The following PLXNA4 variants were observed in gnomAD, a reference collection of about 807,000 sequenced individuals.
PLXNA4 encodes plexin-A4.
Under a neutral mutation model 191.8 loss-of-function variants are expected in PLXNA4, and 44 were observed. The observed-to-expected ratio is 0.23, with a 90% CI of 0.18 to 0.29. PLXNA4 has a LOEUF of 0.29. Ranked by LOEUF, PLXNA4 falls within the 10% of genes least tolerant of loss-of-function variation. The pLI, the probability that PLXNA4 is intolerant of heterozygous loss-of-function variation, is 1.00. For missense variants in PLXNA4, 1,800 were observed against 2,488.8 expected (o/e 0.72, Z 5.89); for synonymous variants, 1,082 against 1,009.5 (o/e 1.07, Z -1.36).
At chr7:132,633,036 C>A (rs1423072988) in intron 2 of PLXNA4, among the ~76,000 whole-genome samples, 1 of 152,126 alleles carries the variant, frequency 6.6e-6, no homozygotes, top group East Asian at 1.9e-4. Flanking sequence ...GTGTCTGCTC[C>A]TATCCAAGGC....
intron 4 of PLXNA4, among the ~76,000 whole-genome samples, chr7:132,283,881 A>T (rs942185539): frequency 6.6e-6 from 1 of 152,232 alleles, no homozygotes; most frequent in African/African-American, 2.4e-5. Flanking sequence ...CAAGATATCC[A>T]CTTAACTCAA....
At chr7:132,133,666 G>A (rs1292839167) in intron 30 of PLXNA4, among the ~76,000 whole-genome samples, 1 of 152,208 alleles carries the variant, frequency 6.6e-6, no homozygotes, top group Non-Finnish European at 1.5e-5. Flanking sequence ...GCAGGGCTGA[G>A]GCTACTCAGG....
intron 2 of PLXNA4, among the ~76,000 whole-genome samples, chr7:132,634,208 G>T (rs1344381758): frequency 6.6e-6 from 1 of 152,118 alleles, no homozygotes; most frequent in Non-Finnish European, 1.5e-5. Context: ...GTTAAATGGA[G>T]GTTGCTAGGT....
chr7:132,249,356 T>C (rs1274739440), intron 4 of PLXNA4, among the ~76,000 whole-genome samples: 2 of 152,206 alleles, frequency 1.3e-5, no homozygotes, highest in African/African-American at 4.8e-5. Flanking sequence ...AAATGCCTAA[T>C]AGGAAGCCAG....
At chr7:132,333,955 A>G (rs1802703083) in intron 3 of PLXNA4, among the ~76,000 whole-genome samples, 1 of 152,186 alleles carries the variant, frequency 6.6e-6, no homozygotes, top group Non-Finnish European at 1.5e-5. Flanking sequence ...CTACTTCTCC[A>G]TGTTTATAAG....
intron 3 of PLXNA4, among the ~76,000 whole-genome samples, chr7:132,465,622 G>A: frequency 6.6e-6 from 1 of 152,108 alleles, no homozygotes; most frequent in Non-Finnish European, 1.5e-5. Flanking sequence ...TAAGTACAAG[G>A]AATTTTCTGT....
intron 3 of PLXNA4, among the ~76,000 whole-genome samples, chr7:132,455,204 G>T (rs2117323700): frequency 6.6e-6 from 1 of 152,308 alleles, no homozygotes; most frequent in East Asian, 1.9e-4. Flanking sequence ...CTCCCTCCTG[G>T]CAGGTGCCTG....
intron 4 of PLXNA4, among the ~76,000 whole-genome samples, chr7:132,297,042 C>T (rs1801112087): frequency 6.6e-6 from 1 of 152,070 alleles, no homozygotes; most frequent in South Asian, 2.1e-4. Flanking sequence ...AGGCATAATG[C>T]ACAAGCCCCG....
intron 2 of PLXNA4, among the ~76,000 whole-genome samples, chr7:132,632,410 A>G (rs983999724): frequency 2.6e-5 from 4 of 152,210 alleles, no homozygotes. Context: ...CCTATAAAGT[A>G]GCTACTATAT....
intron 9 of PLXNA4, among the ~76,000 whole-genome samples, chr7:132,216,370 G>A (rs190181008): frequency 3.2e-4 from 48 of 152,296 alleles, no homozygotes; most frequent in African/African-American, 1.0e-3. Context: ...TGCAAAACTA[G>A]CTCAAAATGT....
intron 3 of PLXNA4, among the ~76,000 whole-genome samples, chr7:132,317,545 G>A (rs1416795266): frequency 6.6e-6 from 1 of 152,174 alleles, no homozygotes; most frequent in Non-Finnish European, 1.5e-5. Context: ...GGATGGGGTT[G>A]GATTGGGTTG....
chr7:132,524,273 T>C (rs537240621), intron 1 of PLXNA4, among the ~76,000 whole-genome samples: 12 of 152,300 alleles, frequency 7.9e-5, no homozygotes, highest in African/African-American at 2.9e-4. Flanking sequence ...TGATGCTTAT[T>C]TTTTTGTGAA....
At chr7:132,299,950 G>T (rs180682193) in intron 3 of PLXNA4, among the ~76,000 whole-genome samples, 36 of 152,308 alleles carry the variant, frequency 2.4e-4, no homozygotes, top group Admixed American at 1.9e-3. Context: ...TAACAAGGAA[G>T]GGAACTGGAA....
At chr7:132,153,992 T>C (rs186299380) in intron 25 of PLXNA4, among the ~76,000 whole-genome samples, 1 of 152,282 alleles carries the variant, frequency 6.6e-6, no homozygotes, top group Admixed American at 6.5e-5. Flanking sequence ...AAGGAGCCAC[T>C]AACCAGGCTA....
chr7:132,507,475 C>G, intron 2 of PLXNA4, 31 bp downstream of exon 2: 1 of 1,572,820 alleles, frequency 6.4e-7, no homozygotes. Context: ...CACTCCCAAC[C>G]ATCCCAGCGC....
chr7:132,134,970 G>A (rs745532679), intron 30 of PLXNA4, among the ~76,000 whole-genome samples: 1 of 152,082 alleles, frequency 6.6e-6, no homozygotes, highest in Non-Finnish European at 1.5e-5. Flanking sequence ...GTAATTTAAC[G>A]ACATTCCAGG....
chr7:132,434,802 C>T lies in PLXNA4; in HGVS notation c.1371+54490G>A, dbSNP rs28409747. Among the ~76,000 whole-genome samples, 123 of 152,294 alleles carry T rather than the reference C, an allele frequency of 8.1e-4. 1 individual carries two copies. Among genetic ancestry groups the T allele is most frequent in the African/African-American group, 2.8e-3 (116 of 41,564 alleles). Reference sequence around the variant, plus strand: ...GCTGCATAAGCTGGCACAGCCTTGACGGGTACAGATGTAGAGAGTTAGAGG... The same window carrying T: ...GCTGCATAAGCTGGCACAGCCTTGATGGGTACAGATGTAGAGAGTTAGAGG... On this transcript the variant is annotated intron_variant, in intron 3 of 31. Transcript: ENST00000321063.
In PLXNA4 at chr7:132,487,382, A is replaced by G. The variant is rs576098649; in HGVS notation, c.1371+1910T>C. ...CCCCATACTGCTTGCTGACTTATTT[A>G]CTCTTAATGGTGCTCATTCACCCAT... is the stretch of plus-strand genomic sequence containing the variant. On this transcript the variant is annotated intron_variant, in intron 3 of 31. Transcript: ENST00000321063. 4.5e-4 allele frequency among the ~76,000 whole-genome samples: 68 copies of G among 152,162 alleles called. 1 individual carries two copies. The highest frequency in any genetic ancestry group is 6.5e-4 in the Non-Finnish European group (44 of 67,986).
At chr7:132,383,939 T>C in intron 3 of PLXNA4, 1 of 985,480 alleles carries the variant, frequency 1.0e-6, no homozygotes, top group South Asian at 4.7e-5. Flanking sequence ...AACAACTGTT[T>C]ATAATGCTTT....
Sources: gnomAD v4.1 joint callset for allele counts (sites outside exome capture counted in the v4.1 genomes callset) on GRCh38, gnomAD v4.1.1 for gene constraint, MANE v1.5 for transcripts, NCBI Gene and HGNC (gene_info 2026-07-23, HGNC 2026-07-21) for gene names.